The following ANXA4 variants were observed in gnomAD, a reference collection of about 807,000 sequenced individuals.
ANXA4 encodes annexin A4.
A neutral mutation model predicts 49.8 loss-of-function variants in ANXA4; 39 were observed. The ratio of observed to expected loss-of-function variants is 0.78; its 90% CI spans 0.61 to 1.02. ANXA4 has a LOEUF of 1.02. Among genes scored for constraint, ANXA4 ranks in the 50% least tolerant of loss-of-function variants. The pLI is 0.00. For missense variants in ANXA4, 360 were observed against 410.1 expected (o/e 0.88, Z 1.05); for synonymous variants, 134 against 152.5 (o/e 0.88, Z 0.89).
At chr2:69,644,178 C>T (rs867641909), upstream of ANXA4, among the ~76,000 whole-genome samples, 5 of 72,280 alleles carry the variant, frequency 6.9e-5, 1 homozygote, top group Non-Finnish European at 1.6e-4. Flanking sequence ...CCCCCCCCCC[C>T]CCCCGCTGTA....
intron 1 of ANXA4, among the ~76,000 whole-genome samples, chr2:69,755,091 A>T (rs1670989843): frequency 6.6e-6 from 1 of 152,268 alleles, no homozygotes; most frequent in Non-Finnish European, 1.5e-5. Flanking sequence ...CCAGACACAG[A>T]AGGATAAATG....
chr2:69,756,914 A>T (rs887664209), intron 1 of ANXA4, among the ~76,000 whole-genome samples: 1 of 145,372 alleles, frequency 6.9e-6, no homozygotes, highest in Non-Finnish European at 1.5e-5. Context: ...ACTACTTATT[A>T]AATTAATTAA....
intron 2 of ANXA4, among the ~76,000 whole-genome samples, chr2:69,692,283 A>G (rs1311988748): frequency 1.3e-5 from 2 of 152,258 alleles, no homozygotes; most frequent in Non-Finnish European, 1.5e-5. Flanking sequence ...GAATTTGGGC[A>G]TGATGATATG....
chr2:69,820,236 GTT>G (rs34277325), intron 11 of ANXA4, among the ~76,000 whole-genome samples: 38 of 146,342 alleles, frequency 2.6e-4, no homozygotes, highest in African/African-American at 7.5e-4. Context: ...AGAGGAAAGG[GTT>G]TTTTTTTTTT....
chr2:69,759,129 CAAAAAAA>C (rs35878649), intron 1 of ANXA4, among the ~76,000 whole-genome samples: 5 of 118,844 alleles, frequency 4.2e-5, no homozygotes, highest in Admixed American at 8.1e-5. Flanking sequence ...GACTCTGTCT[CAAAAAAA>C]AAAAAAAAAA....
intron 2 of ANXA4, among the ~76,000 whole-genome samples, chr2:69,657,576 A>G (rs563390500): frequency 2.0e-5 from 3 of 152,278 alleles, no homozygotes; most frequent in South Asian, 2.1e-4. Flanking sequence ...GCCTCCCCAA[A>G]TATTTTATTC....
chr2:69,765,641 A>G (rs1671465834), intron 1 of ANXA4, among the ~76,000 whole-genome samples: 1 of 152,300 alleles, frequency 6.6e-6, no homozygotes, highest in South Asian at 2.1e-4. Context: ...TGTTCGTTCT[A>G]GCGTTTCATG....
chr2:69,805,738 G>A (rs1426800831), intron 4 of ANXA4, among the ~76,000 whole-genome samples: 1 of 151,930 alleles, frequency 6.6e-6, no homozygotes, highest in African/African-American at 2.4e-5. Context: ...CATTTACATC[G>A]GTGTCTACAA....
At chr2:69,805,303 T>A (rs1240960074) in intron 4 of ANXA4, among the ~76,000 whole-genome samples, 1 of 151,626 alleles carries the variant, frequency 6.6e-6, no homozygotes, top group Non-Finnish European at 1.5e-5. Flanking sequence ...TAGAAACAGG[T>A]GACTAGTTAA....
intron 3 of ANXA4, among the ~76,000 whole-genome samples, chr2:69,789,943 T>C (rs1672607839): frequency 6.6e-6 from 1 of 152,174 alleles, no homozygotes; most frequent in Non-Finnish European, 1.5e-5. Flanking sequence ...GGAAGGAATA[T>C]GCTTATTAAG....
At chr2:69,692,016 G>C (rs1230561136) in intron 2 of ANXA4, among the ~76,000 whole-genome samples, 2 of 152,166 alleles carry the variant, frequency 1.3e-5, no homozygotes, top group African/African-American at 4.8e-5. Flanking sequence ...CTCCCAAGTA[G>C]CTGGGATTAC....
chr2:69,648,883 C>CTTTTTTT (rs199698315), intron 1 of ANXA4, among the ~76,000 whole-genome samples: 14 of 105,778 alleles, frequency 1.3e-4, no homozygotes, highest in East Asian at 3.7e-4. Flanking sequence ...TTCTTTCTTT[C>CTTTTTTT]TTTTCTTTTT....
Position 69,826,780 on chromosome 2 carries a change from TAAAAAAAAAA to T in ANXA4, c.*1275_*1284del, listed in dbSNP as rs5831985. Reference sequence around the variant, plus strand: ...CTGGGCGACAGAGCGAGAATCCATCTAAAAAAAAAAAAAAAAAAAGTGTCTTTAAAGTGAG... The same window carrying T: ...CTGGGCGACAGAGCGAGAATCCATCTAAAAAAAAAGTGTCTTTAAAGTGAG... On this transcript the variant is annotated 3_prime_UTR_variant, in exon 13 of 13. Transcript: ENST00000394295. 2 of 123,190 alleles carry T rather than the reference TAAAAAAAAAA, an allele frequency of 1.6e-5. No homozygotes were observed. Among genetic ancestry groups the T allele is most frequent in the African/African-American group, 3.0e-5 (1 of 33,316 alleles). 7.6% of individuals were successfully genotyped at this position (123,190 alleles called of 1,614,324 possible). A position where few individuals can be genotyped will look rare whatever the true frequency, so the allele number is the denominator to read the frequency against.
intron 1 of ANXA4, among the ~76,000 whole-genome samples, chr2:69,770,216 T>A (rs1233633308): frequency 6.6e-6 from 1 of 152,132 alleles, no homozygotes; most frequent in Non-Finnish European, 1.5e-5. Context: ...ACCCCGTCAC[T>A]GCAATAAAAC....
chr2:69,754,037 G>A (rs1670952675), intron 1 of ANXA4, among the ~76,000 whole-genome samples: 1 of 152,202 alleles, frequency 6.6e-6, no homozygotes, highest in Non-Finnish European at 1.5e-5. Flanking sequence ...CCATCTGTGG[G>A]AAGAGAATTT....
At chr2:69,685,658 G>A (rs1409537300) in intron 2 of ANXA4, among the ~76,000 whole-genome samples, 7 of 152,194 alleles carry the variant, frequency 4.6e-5, no homozygotes, top group Admixed American at 4.6e-4. Context: ...AAATTTAAGG[G>A]TGATTAATAT....
intron 7 of ANXA4, 63 bp from the exon 8 acceptor site, chr2:69,812,590 T>C: frequency 7.1e-7 from 1 of 1,410,652 alleles, no homozygotes; most frequent in Non-Finnish European, 9.9e-7. Flanking sequence ...GCTATCTTAA[T>C]GGTGTCCCCA....
rs148876366 is a variant in ANXA4 at position 69,656,429 on chromosome 2, G to A, written n.766+3147G>A. ...TATATATGTATATATATATGTGTGT[G>A]TATATATATATATGATACTTGGTCA... On this transcript the variant is annotated intron_variant and non_coding_transcript_variant, in intron 2 of 3. Coordinates refer to the ANXA4 transcript ENST00000418066. Among the ~76,000 whole-genome samples the A allele has an allele frequency of 1.0e-3, 145 of 140,684 alleles. 8 individuals carry two copies. The highest frequency in any genetic ancestry group is 3.5e-3 in the East Asian group (17 of 4,866). 92.3% of individuals were successfully genotyped at this position (140,684 alleles called of 152,430 possible). A position where few individuals can be genotyped will look rare whatever the true frequency, so the allele number is the denominator to read the frequency against.
chr2:69,803,950 C>T (rs1673325949), intron 3 of ANXA4, among the ~76,000 whole-genome samples: 1 of 152,066 alleles, frequency 6.6e-6, no homozygotes, highest in East Asian at 1.9e-4. Context: ...CCAGCCTGGT[C>T]AACATAGTGA....
Sources: allele counts gnomAD v4.1 joint callset (sites outside exome capture counted in the v4.1 genomes callset), GRCh38; gene constraint gnomAD v4.1.1; transcripts MANE v1.5; gene names NCBI Gene and HGNC (gene_info 2026-07-23, HGNC 2026-07-21).